The following POU2F2 variants were observed in gnomAD, a reference collection of about 807,000 sequenced individuals.
POU2F2 encodes POU class 2 homeobox 2, also known as POU domain, class 2, transcription factor 2.
In POU2F2, 14 loss-of-function variants were observed where a neutral mutation model predicts 63.5. The observed-to-expected ratio is 0.22, with a 90% CI of 0.15 to 0.34. The LOEUF (loss-of-function observed/expected upper bound fraction) is 0.34. Among genes scored for constraint, POU2F2 ranks in the 10% least tolerant of loss-of-function variants. The pLI is 1.00. For synonymous variants in POU2F2, 306 were observed against 348.6 expected, an observed-to-expected ratio of 0.88 and a Z score of 1.36; for missense variants, 607 against 815.2, an observed-to-expected ratio of 0.74 and a Z score of 3.11.
At chr19:42,119,739 G>A (rs952967940) in intron 4 of POU2F2, among the ~76,000 whole-genome samples, 4 of 152,124 alleles carry the variant, frequency 2.6e-5, no homozygotes, top group East Asian at 1.9e-4. Flanking sequence ...ACTCCAGCCC[G>A]GGTGACAGTG....
In POU2F2 at chr19:42,087,754, G is replaced by C. The variant is rs1479528364; in HGVS notation, c.*3503C>G. On this transcript the variant is annotated 3_prime_UTR_variant, in exon 15 of 15. Coordinates refer to ENST00000692977, the MANE Select transcript of POU2F2 (RefSeq NM_001394376.1). ...TCATCTCTCCTCTCTTTCTAGCCCA[G>C]GCCCTTGGCCCCCAACCTCGGACAT... 1 of 152,012 alleles carries C rather than the reference G, an allele frequency of 6.6e-6. No individual in the cohort carries two copies. The highest frequency in any genetic ancestry group is 1.5e-5 in the Non-Finnish European group (1 of 68,072). The allele number at this position is 152,012 out of a possible 1,614,324, so 9.4% of individuals were successfully genotyped here. A position where few individuals can be genotyped will look rare whatever the true frequency, so the allele number is the denominator to read the frequency against.
chr19:42,148,434 C>T (rs2034275123), intron 2 of POU2F2, among the ~76,000 whole-genome samples: 1 of 152,154 alleles, frequency 6.6e-6, no homozygotes, highest in African/African-American at 2.4e-5. Flanking sequence ...GCCGTCTTCC[C>T]ACATCAGAGG....
chr19:42,103,347 G>C (rs532845661), intron 5 of POU2F2, among the ~76,000 whole-genome samples: 8 of 152,268 alleles, frequency 5.3e-5, no homozygotes, highest in African/African-American at 1.9e-4. Flanking sequence ...AGTCACTGCT[G>C]TATCCTCAGT....
In POU2F2 at chr19:42,087,501, G is replaced by A. The variant is rs2076585763; in HGVS notation, c.*3756C>T. 1 of 151,638 alleles carries A rather than the reference G, an allele frequency of 6.6e-6. No individual in the cohort carries two copies. Among genetic ancestry groups the A allele is most frequent in the Admixed American group, 6.6e-5 (1 of 15,208 alleles). The allele number at this position is 151,638 out of a possible 1,614,324, so 9.4% of individuals were successfully genotyped here. ...TGATCTCAGCCCCAACTCCTACTGG[G>A]GCTTGGGTTCCCCATCCCTACCCAC... On this transcript the variant is annotated 3_prime_UTR_variant, in exon 15 of 15. Transcript: ENST00000692977.
At chr19:42,164,411 T>C (rs577544265) in intron 1 of POU2F2, among the ~76,000 whole-genome samples, 1 of 148,370 alleles carries the variant, frequency 6.7e-6, no homozygotes, top group South Asian at 2.1e-4. Context: ...CTACTAAAAA[T>C]ACAAAAATAG....
rs1225430191 is a variant in POU2F2, at chr19:42,088,183, C to A, written c.*3074G>T. The stretch of plus-strand genomic sequence containing the variant: ...TCACCTGCCCCTCCCTCCCTCCTAC[C>A]CCCTTCCCAATATTTGGTTTCACAG... On this transcript the variant is annotated 3_prime_UTR_variant, in exon 15 of 15. Coordinates refer to ENST00000692977, the MANE Select transcript of POU2F2 (RefSeq NM_001394376.1). 6.6e-6 allele frequency: 1 copy of A among 152,244 alleles called. No homozygotes were observed. Among genetic ancestry groups the A allele is most frequent in the Non-Finnish European group, 1.5e-5 (1 of 68,046 alleles). 9.4% of individuals were successfully genotyped at this position (152,244 alleles called of 1,614,324 possible).
rs1436772613 is a variant in POU2F2, at chr19:42,086,675, T to C, written c.*4582A>G. ...CCTCGCCCATTCCCCACCCTGCCAT[T>C]ATCCAAAGGCTCTCTACGAGTTGCC... On this transcript the variant is annotated 3_prime_UTR_variant, in exon 15 of 15. Transcript: ENST00000692977. The C allele has an allele frequency of 1.3e-5, 2 of 152,108 alleles. No homozygotes were observed. Among genetic ancestry groups the C allele is most frequent in the African/African-American group, 4.8e-5 (2 of 41,404 alleles). The allele number at this position is 152,108 out of a possible 1,614,324, so 9.4% of individuals were successfully genotyped here.
chr19:42,098,211 G>A (rs952336135), intron 7 of POU2F2, among the ~76,000 whole-genome samples: 1 of 152,098 alleles, frequency 6.6e-6, no homozygotes, highest in Non-Finnish European at 1.5e-5. Flanking sequence ...TCAGGAGTTC[G>A]AGACCAGCCT....
upstream of POU2F2, among the ~76,000 whole-genome samples, chr19:42,197,041 G>C (rs769507551): frequency 6.6e-6 from 1 of 152,214 alleles, no homozygotes; most frequent in Non-Finnish European, 1.5e-5. Flanking sequence ...CAGGGGCTAG[G>C]GGCTCAAGGG....
chr19:42,150,630 G>GCCCTCCCCCCTGCACCC (rs2034327172), intron 2 of POU2F2, among the ~76,000 whole-genome samples: 1 of 143,758 alleles, frequency 7.0e-6, no homozygotes, highest in African/African-American at 2.5e-5. Context: ...GGCCCGAGCC[G>GCCCTCCCCCCTGCACCC]CCCTCCCCCC....
At chr19:42,178,054 A>G (rs1166587624), upstream of POU2F2, among the ~76,000 whole-genome samples, 1 of 152,070 alleles carries the variant, frequency 6.6e-6, no homozygotes, top group Admixed American at 6.5e-5. Flanking sequence ...AAAGAGGAAA[A>G]GGAGAAGGGA....
At chr19:42,160,457 A>G (rs2034531830) in intron 1 of POU2F2, 2 of 152,068 alleles carry the variant, frequency 1.3e-5, no homozygotes, top group Admixed American at 1.3e-4. Flanking sequence ...AGGATGATGC[A>G]CTCCTCCAGT....
intron 1 of POU2F2, among the ~76,000 whole-genome samples, chr19:42,127,656 C>A (rs1180506356): frequency 6.6e-6 from 1 of 152,150 alleles, no homozygotes; most frequent in Non-Finnish European, 1.5e-5. Context: ...GCTGGGATTA[C>A]AGGCGTGAGC....
At position 42,091,447 on chromosome 19, in the gene POU2F2, C is replaced by A. The variant is rs1047749415; in HGVS notation, c.1685G>T (p.Ser562Ile). ...GACCAGGCCCACACCAGGCGGGGTG[C>A]TGAGCAGGGGCAGCCCAGCATGATT... The part of the protein sequence containing the change: ...FLNHAGLPLL[S>I]TPPGVGLVSA... Residue 562 changes from serine (S) to isoleucine (I), a missense_variant, in exon 15 of 15, where the codon AGC (serine) becomes ATC (isoleucine). Ser to Ile is a moderately radical substitution (Grantham distance 142, BLOSUM62 -2). Around this residue, in one of 7 missense-constraint regions of POU2F2, gnomAD observed 270 missense variants for 307.5 expected, o/e 0.88. Transcript: ENST00000692977. The A allele has an allele frequency of 1.9e-6, 3 of 1,550,660 alleles. No homozygotes were observed. Among genetic ancestry groups the A allele is most frequent in the Non-Finnish European group, 2.6e-6 (3 of 1,146,908 alleles).
chr19:42,176,297 G>A (rs986606461), upstream of POU2F2, among the ~76,000 whole-genome samples: 4 of 152,186 alleles, frequency 2.6e-5, no homozygotes, highest in African/African-American at 9.7e-5. Context: ...TGGTTGCGAT[G>A]TGTTTTATTT....
chr19:42,171,431 CGTGTGTGTGTGTGTGTGTGT>C (rs71336804), intron 1 of POU2F2, among the ~76,000 whole-genome samples: 2 of 138,544 alleles, frequency 1.4e-5, no homozygotes, highest in East Asian at 2.1e-4. Flanking sequence ...GGCTGCGCTT[CGTGTGTGTGTGTGTGTGTGT>C]GTGTGTGTGT....
At chr19:42,165,145 G>A (rs2034626246) in intron 1 of POU2F2, among the ~76,000 whole-genome samples, 1 of 152,158 alleles carries the variant, frequency 6.6e-6, no homozygotes, top group South Asian at 2.1e-4. Context: ...CACCTCTAGT[G>A]CTGTTTCTCT....
At chr19:42,159,298 C>T (rs1005676936) in intron 2 of POU2F2, among the ~76,000 whole-genome samples, 3 of 152,102 alleles carry the variant, frequency 2.0e-5, no homozygotes, top group Admixed American at 2.0e-4. Flanking sequence ...AAAAAGCAGT[C>T]CCCCACCCCA....
At chr19:42,111,220 C>T (rs1284561926) in intron 5 of POU2F2, among the ~76,000 whole-genome samples, 5 of 152,096 alleles carry the variant, frequency 3.3e-5, no homozygotes, top group Non-Finnish European at 5.9e-5. Context: ...CATGCTCAAG[C>T]GATCCTCCTG....
Sources: gnomAD v4.1 joint callset for allele counts (sites outside exome capture counted in the v4.1 genomes callset) on GRCh38, gnomAD v4.1.1 for gene constraint, gnomAD v4.1.1 regional missense constraint, MANE v1.5 for transcripts, NCBI Gene and HGNC (gene_info 2026-07-23, HGNC 2026-07-21) for gene names.